DOCK5: variants seen among roughly 807,000 people sequenced by gnomAD.
DOCK5 encodes the protein dedicator of cytokinesis protein 5.
Under a neutral mutation model 251.8 loss-of-function variants are expected in DOCK5, and 142 were observed. The ratio of observed to expected loss-of-function variants is 0.56; its 90% CI spans 0.49 to 0.65. The LOEUF (loss-of-function observed/expected upper bound fraction) is 0.65, where lower values mean the gene tolerates loss of function less well. Ranked by LOEUF, DOCK5 falls within the 30% of genes least tolerant of loss-of-function variation. The probability of loss-of-function intolerance (pLI) is 0.00; values close to 1 mark genes in which losing one functional copy is unlikely to be tolerated. For missense variants in DOCK5, 2,111 were observed against 2,312.3 expected, an observed-to-expected ratio of 0.91 and a Z score of 1.79; for synonymous variants, 842 against 835.5, an observed-to-expected ratio of 1.01 and a Z score of -0.13.
At chr8:25,259,022 G>A (rs2117579060) in intron 2 of DOCK5, among the ~76,000 whole-genome samples, 1 of 152,310 alleles carries the variant, frequency 6.6e-6, no homozygotes, top group South Asian at 2.1e-4. Flanking sequence ...AGGATGCTGA[G>A]GCAGGAGAAT....
chr8:25,360,616 T>C (rs985888102), intron 28 of DOCK5, among the ~76,000 whole-genome samples: 1 of 152,182 alleles, frequency 6.6e-6, no homozygotes, highest in African/African-American at 2.4e-5. Context: ...ATCTGTAAGA[T>C]AGTACCCACC....
chr8:25,227,194 C>T (rs752127652), intron 1 of DOCK5, among the ~76,000 whole-genome samples: 12 of 152,188 alleles, frequency 7.9e-5, no homozygotes, highest in Non-Finnish European at 1.6e-4. Flanking sequence ...CACGTTCACA[C>T]CACATCTGGT....
In DOCK5 at chr8:25,351,781, G is replaced by A. The variant is rs149707730; in HGVS notation, c.2805G>A (p.Arg935=). ...TTATAATGGAACGGCTGCTGAGAAG[G>A]ATCAACCGGACAGTGATTGGGATGA... ...IQLIMERLLR[R]INRTVIGMNR... Residue 935 remains arginine (R), a synonymous_variant, in exon 27 of 52, where the codon AGG becomes AGA. Transcript: ENST00000276440. The A allele has an allele frequency of 7.8e-5, 126 of 1,613,886 alleles. No individual in the cohort carries two copies. In the African/African-American group the frequency reaches 1.5e-3, roughly 19 times the overall value.
chr8:25,228,722 A>C (rs1802591744), intron 1 of DOCK5, among the ~76,000 whole-genome samples: 1 of 26,268 alleles, frequency 3.8e-5, no homozygotes, highest in Non-Finnish European at 7.7e-5. Flanking sequence ...AAGCTATTTT[A>C]AACTATTTTT....
At chr8:25,333,633 T>C (rs1161711549) in intron 20 of DOCK5, among the ~76,000 whole-genome samples, 1 of 152,126 alleles carries the variant, frequency 6.6e-6, no homozygotes, top group Non-Finnish European at 1.5e-5. Flanking sequence ...CTGATAGCAG[T>C]GCAAGAGAAT....
At chr8:25,401,528 T>A (rs1450242512) in intron 47 of DOCK5, among the ~76,000 whole-genome samples, 1 of 151,936 alleles carries the variant, frequency 6.6e-6, no homozygotes, top group African/African-American at 2.4e-5. Context: ...TGGTCAGGAG[T>A]TCGAGACCAG....
chr8:25,344,116 T>G (rs565774785), intron 25 of DOCK5, among the ~76,000 whole-genome samples: 18 of 152,250 alleles, frequency 1.2e-4, no homozygotes, highest in African/African-American at 4.3e-4. Context: ...CCAAGCTGTT[T>G]TCTTTAGGGG....
At chr8:25,231,145 A>T (rs1248736410) in intron 1 of DOCK5, among the ~76,000 whole-genome samples, 1 of 152,084 alleles carries the variant, frequency 6.6e-6, no homozygotes, top group Non-Finnish European at 1.5e-5. Flanking sequence ...ACTTGGTATT[A>T]TATCTAAAGG....
intron 6 of DOCK5, among the ~76,000 whole-genome samples, chr8:25,293,457 G>T (rs760628672): frequency 8.5e-5 from 13 of 152,208 alleles, no homozygotes; most frequent in African/African-American, 3.1e-4. Flanking sequence ...TAAAACATAG[G>T]GTTGAGGTAG....
intron 1 of DOCK5, among the ~76,000 whole-genome samples, chr8:25,231,670 C>T (rs1325687257): frequency 1.3e-5 from 2 of 152,018 alleles, no homozygotes; most frequent in African/African-American, 4.8e-5. Flanking sequence ...ATTAATATGC[C>T]TTTTATTTCT....
chr8:25,266,445 G>T (rs1366499970), intron 2 of DOCK5, among the ~76,000 whole-genome samples: 2 of 151,692 alleles, frequency 1.3e-5, no homozygotes, highest in African/African-American at 4.9e-5. Context: ...TCGATCTCCT[G>T]ACCTCGTGAT....
At chr8:25,235,658 C>T (rs1563318885) in intron 1 of DOCK5, among the ~76,000 whole-genome samples, 1 of 152,146 alleles carries the variant, frequency 6.6e-6, no homozygotes. Flanking sequence ...GCTTCTAAGT[C>T]ATCACTTGCT....
At chr8:25,364,180 G>A (rs760481735) in intron 29 of DOCK5, among the ~76,000 whole-genome samples, 1 of 152,124 alleles carries the variant, frequency 6.6e-6, no homozygotes. Flanking sequence ...AACCATTATT[G>A]TAAGCATTAT....
intron 5 of DOCK5, among the ~76,000 whole-genome samples, chr8:25,290,194 A>T (rs939067529): frequency 7.9e-5 from 12 of 152,338 alleles, no homozygotes; most frequent in Admixed American, 3.3e-4. Context: ...AAAAAAAATT[A>T]AAATGAAGAC....
Position 25,411,843 on chromosome 8 carries a change from G to C in DOCK5, c.*545G>C, listed in dbSNP as rs767677359. On this transcript the variant is annotated 3_prime_UTR_variant, in exon 52 of 52. Coordinates refer to ENST00000276440, the MANE Select transcript of DOCK5 (RefSeq NM_024940.8). ...TCTATTGTATCTCCTTTGAGGAAAA[G>C]AACACACATTTTTAATGGAGATTGG... The C allele has an allele frequency of 6.6e-6, 1 of 152,184 alleles. No individual in the cohort carries two copies. Among genetic ancestry groups the C allele is most frequent in the Non-Finnish European group, 1.5e-5 (1 of 68,048 alleles). 9.4% of individuals were successfully genotyped at this position (152,184 alleles called of 1,614,324 possible).
chr8:25,363,278 C>A, intron 29 of DOCK5, 137 bp downstream of exon 29: 1 of 715,132 alleles, frequency 1.4e-6, no homozygotes, highest in Non-Finnish European at 2.3e-6. Flanking sequence ...CTCCAGAGGT[C>A]CTAATTTATG....
rs1288611964 is a variant in DOCK5, at chr8:25,372,859, G to A, written c.3684+141G>A. On this transcript the variant is annotated intron_variant, in intron 35 of 51. Transcript: ENST00000276440. ...AGCCGGTGTCTTCCTAAGTCTAATT[G>A]GAATGGCTGGCTCAGCTCACAGGTA... 9.2e-6 allele frequency: 7 copies of A among 759,342 alleles called. No homozygotes were observed. In the Middle Eastern group the frequency reaches 1.5e-3, roughly 158 times the overall value. 47.0% of individuals were successfully genotyped at this position (759,342 alleles called of 1,614,324 possible).
At chr8:25,314,683 T>C (rs903900840) in intron 13 of DOCK5, among the ~76,000 whole-genome samples, 28 of 13,870 alleles carry the variant, frequency 2.0e-3, no homozygotes, top group Admixed American at 8.1e-3. Flanking sequence ...TCCATGTATC[T>C]ATCCATCCAT....
chr8:25,258,759 G>A (rs970528883), intron 2 of DOCK5, among the ~76,000 whole-genome samples: 4 of 152,148 alleles, frequency 2.6e-5, no homozygotes, highest in African/African-American at 9.7e-5. Context: ...ATATTCATCA[G>A]ATGTTTACTC....
Sources: allele counts gnomAD v4.1 joint callset (sites outside exome capture counted in the v4.1 genomes callset), GRCh38; gene constraint gnomAD v4.1.1; transcripts MANE v1.5; gene names NCBI Gene and HGNC (gene_info 2026-07-23, HGNC 2026-07-21).